Variants in TTC17 observed in about 807,000 individuals in gnomAD.
The protein encoded by TTC17 is tetratricopeptide repeat domain 17.
Under a neutral mutation model 143.8 loss-of-function variants are expected in TTC17, and 58 were observed. That is an observed-to-expected ratio of 0.40 (90% CI 0.33 to 0.50). The LOEUF is 0.50. Ranked by LOEUF, TTC17 falls within the 20% of genes least tolerant of loss-of-function variation. The pLI, the probability that TTC17 is intolerant of heterozygous loss-of-function variation, is 0.49. For synonymous variants in TTC17, 501 were observed against 497.8 expected (o/e 1.01, Z -0.09); for missense variants, 1,273 against 1,392.5 (o/e 0.91, Z 1.37).
At chr11:43,367,623 T>C (rs573120888) in intron 1 of TTC17, among the ~76,000 whole-genome samples, 1 of 152,270 alleles carries the variant, frequency 6.6e-6, no homozygotes, top group South Asian at 2.1e-4. Flanking sequence ...AGAACAACTT[T>C]GCATTCCAAA....
intron 2 of TTC17, among the ~76,000 whole-genome samples, chr11:43,387,982 A>T (rs1263836176): frequency 6.6e-6 from 1 of 152,238 alleles, no homozygotes; most frequent in Non-Finnish European, 1.5e-5. Flanking sequence ...AGGTGTTATG[A>T]TCTACTGGGA....
chr11:43,398,136 C>G, intron 8 of TTC17, 23 bp downstream of exon 8: 1 of 1,613,018 alleles, frequency 6.2e-7, no homozygotes, highest in Non-Finnish European at 8.5e-7. Context: ...AAAAATTTCA[C>G]TCAAGCATTA....
intron 2 of TTC17, among the ~76,000 whole-genome samples, chr11:43,384,095 T>C (rs570325312): frequency 3.1e-4 from 47 of 150,782 alleles, no homozygotes; most frequent in Non-Finnish European, 6.2e-4. Context: ...CAGTGAGCTA[T>C]GATAGTACCA....
intron 1 of TTC17, 26 bp downstream of exon 1, chr11:43,359,139 C>A: frequency 6.4e-7 from 1 of 1,553,422 alleles, no homozygotes; most frequent in South Asian, 1.2e-5. Flanking sequence ...TCCCTCTTCT[C>A]CCGTGCCCGC....
At chr11:43,380,973 A>AT (rs1856945032) in intron 2 of TTC17, among the ~76,000 whole-genome samples, 1 of 152,078 alleles carries the variant, frequency 6.6e-6, no homozygotes, top group Non-Finnish European at 1.5e-5. Context: ...TGCAGAAAAA[A>AT]ATTTTTTTTT....
intron 21 of TTC17, among the ~76,000 whole-genome samples, chr11:43,471,781 T>G (rs558762106): frequency 5.9e-5 from 9 of 152,350 alleles, no homozygotes; most frequent in Middle Eastern, 3.4e-3. Flanking sequence ...ATCTCTAGGC[T>G]AACCACTTAA....
At chr11:43,385,001 C>T (rs940666117) in intron 2 of TTC17, among the ~76,000 whole-genome samples, 6 of 152,122 alleles carry the variant, frequency 3.9e-5, no homozygotes, top group Admixed American at 1.3e-4. Context: ...AATATAATAT[C>T]GTATACTTGT....
rs66574118 is a variant in TTC17, at chr11:43,455,014, TATATC to T, written c.3030+3751_3030+3755del. On this transcript the variant is annotated intron_variant, in intron 21 of 23. Transcript: ENST00000039989. ...ACATAGAATATTCATTCATGAAAAT[TATATC>T]AGAGCAGTGAACAAATTCCAAGGAA... Among the ~76,000 whole-genome samples the T allele has an allele frequency of 6.8e-3, 1,025 of 151,750 alleles. 8 individuals carry two copies. Among genetic ancestry groups the T allele is most frequent in the African/African-American group, 8.7e-3 (360 of 41,502 alleles).
intron 16 of TTC17, among the ~76,000 whole-genome samples, chr11:43,415,648 G>A (rs1391328359): frequency 6.6e-6 from 1 of 152,124 alleles, no homozygotes; most frequent in African/African-American, 2.4e-5. Context: ...TGTGACTTGT[G>A]TAAAAGACAT....
chr11:43,382,889 ATTTTCTTTTTTTTCT>A (rs1258944378), intron 2 of TTC17, among the ~76,000 whole-genome samples: 2,001 of 151,570 alleles, frequency 0.013, 48 homozygotes, highest in African/African-American at 0.046. Context: ...TTTTCTTTTT[ATTTTCTTTTTTTTCT>A]TTTTCTTTTT....
chr11:43,468,682 C>A (rs1948029351), intron 21 of TTC17, among the ~76,000 whole-genome samples: 1 of 152,132 alleles, frequency 6.6e-6, no homozygotes, highest in African/African-American at 2.4e-5. Flanking sequence ...CACCTCCAAT[C>A]CCATCACCTT....
chr11:43,466,865 A>T (rs1947983438), intron 21 of TTC17: 1 of 253,646 alleles, frequency 3.9e-6, no homozygotes, highest in African/African-American at 2.3e-5. Flanking sequence ...CCAACTGCAG[A>T]CAACTCTGAT....
At chr11:43,466,591 A>C (rs923935648) in intron 21 of TTC17, 1 of 293,412 alleles carries the variant, frequency 3.4e-6, no homozygotes, top group African/African-American at 2.2e-5. Context: ...TTCACACCCC[A>C]TAATGGCATT....
At chr11:43,409,847 CT>C (rs1435453658) in intron 15 of TTC17, among the ~76,000 whole-genome samples, 184 of 143,738 alleles carry the variant, frequency 1.3e-3, no homozygotes, top group African/African-American at 1.9e-3. Context: ...TTTTTCTTTT[CT>C]TTTTTTTTTT....
intron 1 of TTC17, among the ~76,000 whole-genome samples, chr11:43,371,503 G>A (rs1856566322): frequency 6.6e-6 from 1 of 152,230 alleles, no homozygotes; most frequent in Admixed American, 6.5e-5. Context: ...GACGTATGGG[G>A]CAAAGGGTGT....
intron 10 of TTC17, 52 bp from the exon 11 acceptor site, chr11:43,403,946 A>G (rs1214372968): frequency 2.0e-6 from 3 of 1,493,310 alleles, no homozygotes; most frequent in Non-Finnish European, 9.0e-7. Context: ...AATTATAATC[A>G]CAACTCCTTT....
chr11:43,381,660 G>A (rs1856973970), intron 2 of TTC17, among the ~76,000 whole-genome samples: 1 of 152,166 alleles, frequency 6.6e-6, no homozygotes, highest in South Asian at 2.1e-4. Context: ...ATCATTTTAG[G>A]ATAGAATATT....
chr11:43,423,417 G>A (rs1340236286), intron 16 of TTC17, among the ~76,000 whole-genome samples: 3 of 152,116 alleles, frequency 2.0e-5, no homozygotes, highest in South Asian at 4.1e-4. Flanking sequence ...TGAAGAAAAC[G>A]CCAAGAATGG....
intron 15 of TTC17, among the ~76,000 whole-genome samples, chr11:43,414,080 A>C (rs1310379347): frequency 6.6e-6 from 1 of 152,224 alleles, no homozygotes; most frequent in Non-Finnish European, 1.5e-5. Flanking sequence ...CTTATGTTAG[A>C]ACATTACACA....
Sources: gnomAD v4.1 joint callset for allele counts (sites outside exome capture counted in the v4.1 genomes callset) on GRCh38, gnomAD v4.1.1 for gene constraint, MANE v1.5 for transcripts, NCBI Gene and HGNC (gene_info 2026-07-23, HGNC 2026-07-21) for gene names.